Variants in HSD17B10 observed in about 807,000 individuals in gnomAD.
HSD17B10 encodes 3-hydroxyacyl-CoA dehydrogenase type-2.
For missense variants in HSD17B10, 87 were observed against 219.4 expected (o/e 0.40, Z 3.81); for synonymous variants, 90 against 85.9 (o/e 1.05, Z -0.26).
intron 1 of HSD17B10, chrX:53,434,114 T>G (rs1312315158): frequency 1.8e-6 from 1 of 560,118 alleles, no homozygotes; most frequent in African/African-American, 2.3e-5. Flanking sequence ...GATAGATGAT[T>G]GATAGATAGA....
At chrX:53,432,581 G>A in intron 2 of HSD17B10, 170 bp from the exon 3 acceptor site, 1 of 493,149 alleles carries the variant, frequency 2.0e-6, no homozygotes, top group South Asian at 2.7e-5. Context: ...TGGGTGCGGT[G>A]GCTCATGCCT....
At position 53,432,417 on chromosome X, in the gene HSD17B10, AAG is replaced by A. The variant is rs1556894680; in HGVS notation, c.193-8_193-7del. 1 of 1,200,705 alleles carries A rather than the reference AAG, an allele frequency of 8.3e-7. No homozygotes were observed. Among genetic ancestry groups the A allele is most frequent in the East Asian group, 3.0e-5 (1 of 33,815 alleles). Reference sequence around the variant, plus strand: ...ACATCCTTCTCAGAGGTCACCTTCAAAGAGAGAAGTGGAGAAGGTATTCATCT... The same window carrying A: ...ACATCCTTCTCAGAGGTCACCTTCAAAGAGAAGTGGAGAAGGTATTCATCT... On this transcript the variant is annotated splice_polypyrimidine_tract_variant and splice_region_variant and intron_variant, in intron 2 of 5. Transcript: ENST00000168216.
intron 2 of HSD17B10, 111 bp downstream of exon 2, chrX:53,433,611 G>C: frequency 1.4e-6 from 1 of 708,540 alleles, no homozygotes; most frequent in Non-Finnish European, 2.2e-6. Context: ...CAAGGAGATG[G>C]GTCTACCGCC....
At chrX:53,432,701 T>C in intron 2 of HSD17B10, 1 of 305,599 alleles carries the variant, frequency 3.3e-6, no homozygotes. Flanking sequence ...AATACAAAAT[T>C]AGCCGGCATA....
At chrX:53,433,028 C>T (rs1556894787) in intron 2 of HSD17B10, 2 of 128,067 alleles carry the variant, frequency 1.6e-5, no homozygotes, top group Non-Finnish European at 3.2e-5. Flanking sequence ...GTGGCTCACA[C>T]CTGTAATCCC....
At position 53,431,912 on chromosome X, in the gene HSD17B10, G is replaced by A. The variant is rs374264193; in HGVS notation, c.487-6C>T. The A allele has an allele frequency of 2.6e-5, 31 of 1,207,472 alleles. No homozygotes were observed. The highest frequency in any genetic ancestry group is 3.5e-5 in the Non-Finnish European group (31 of 893,191). On this transcript the variant is annotated splice_region_variant and splice_polypyrimidine_tract_variant and intron_variant, in intron 4 of 5. Transcript: ENST00000168216. ...GAGTATGCAGCTTGTCCAACCTGGA[G>A]AAAGAGTAGAAGTCATAGGTGGGAG...
chrX:53,434,123 G>A (rs1475313751), intron 1 of HSD17B10, 196 bp downstream of exon 1: 7 of 566,269 alleles, frequency 1.2e-5, no homozygotes, highest in Non-Finnish European at 2.1e-5. Context: ...TTGATAGATA[G>A]ATAGATAGAC....
intron 2 of HSD17B10, among the ~76,000 whole-genome samples, chrX:53,433,277 A>G (rs782332614): frequency 2.7e-5 from 3 of 112,487 alleles, no homozygotes; most frequent in South Asian, 7.3e-4. Context: ...CCTGGGCAAC[A>G]GAGCGAGACT....
chrX:53,431,817 C>T lies in HSD17B10; in HGVS notation c.576G>A (p.Arg192=). The T allele has an allele frequency of 8.3e-7, 1 of 1,208,904 alleles. No individual in the cohort carries two copies. The highest frequency in any genetic ancestry group is 1.8e-5 in the South Asian group (1 of 56,833). ...GTCTACCTGGGGCAATGGTCATCACCCGGATACCTATGGGAGCCAGATCCC... is the reference window on the plus strand; with the variant it reads ...GTCTACCTGGGGCAATGGTCATCACTCGGATACCTATGGGAGCCAGATCCC... The part of the protein sequence containing the change: ...IARDLAPIGI[R]VMTIAPGLFG... The change falls in exon 5 of 6, where the codon CGG becomes CGA. Residue 192 remains arginine (R), a synonymous_variant. Transcript: ENST00000168216.
chrX:53,433,283 A>G (rs1339958590), intron 2 of HSD17B10, among the ~76,000 whole-genome samples: 7 of 112,359 alleles, frequency 6.2e-5, no homozygotes, highest in Non-Finnish European at 1.3e-4. Flanking sequence ...CAACAGAGCG[A>G]GACTCCATCT....
intron 2 of HSD17B10, chrX:53,432,942 A>C: frequency 6.2e-6 from 1 of 160,484 alleles, no homozygotes. Context: ...CTTCTTGATA[A>C]ATTCACATGC....
At chrX:53,434,277 C>T (rs782077284) in intron 1 of HSD17B10, 42 bp downstream of exon 1, 33 of 1,155,829 alleles carry the variant, frequency 2.9e-5, no homozygotes, top group Middle Eastern at 2.3e-4. Flanking sequence ...GCTGTCCCGG[C>T]CCGTAAAGGA....
intron 3 of HSD17B10, 36 bp from the exon 4 acceptor site, chrX:53,432,152 G>A: frequency 1.7e-6 from 2 of 1,210,824 alleles, no homozygotes; most frequent in South Asian, 3.5e-5. Flanking sequence ...TAGGACCTGA[G>A]GCAGAAGAAG....
chrX:53,432,619 G>A, intron 2 of HSD17B10: 1 of 445,276 alleles, frequency 2.2e-6, no homozygotes, highest in Non-Finnish European at 4.0e-6. Flanking sequence ...GGAGGCCGAG[G>A]CTGGTGGATC....
chrX:53,433,212 T>A (rs1374192292), intron 2 of HSD17B10, among the ~76,000 whole-genome samples: 1 of 111,320 alleles, frequency 9.0e-6, no homozygotes, highest in African/African-American at 3.3e-5. Flanking sequence ...GGAAAATCGC[T>A]TGAACCCAGA....
rs185577457 is a variant in HSD17B10 at position 53,433,396 on chromosome X, A to G, written c.192+326T>C. Among the ~76,000 whole-genome samples the G allele has an allele frequency of 8.8e-5, 10 of 113,135 alleles. No individual in the cohort carries two copies. The East Asian group carries it at 2.5e-3, about 28-fold the overall frequency. On this transcript the variant is annotated intron_variant, in intron 2 of 5. Transcript: ENST00000168216. ...TGCTAAGATGATTTCATCAAGTTTC[A>G]CTTTCTGTAGTTTGTTTCATGAAAA...
At chrX:53,432,168 G>T (rs1556894619) in intron 3 of HSD17B10, 52 bp from the exon 4 acceptor site, 2 of 1,210,212 alleles carry the variant, frequency 1.7e-6, no homozygotes, top group African/African-American at 3.5e-5. Flanking sequence ...AGAAGCCTTT[G>T]TCCCCTAAAA....
chrX:53,433,620 C>T, intron 2 of HSD17B10, 102 bp downstream of exon 2: 8 of 777,195 alleles, frequency 1.0e-5, no homozygotes, highest in Non-Finnish European at 1.5e-5. Context: ...GGGTCTACCG[C>T]CCCCATAGAG....
rs1556895067 is a variant in HSD17B10 at position 53,434,341 on chromosome X, G to T, written c.5C>A (p.Ala2Glu). The stretch of plus-strand genomic sequence containing the variant: ...TACCTTCACGCTCCGACACGCTGCT[G>T]CCATCTTGTCGCCGGCCACTCCACG... The part of the protein sequence containing the change: M[A>E]AACRSVKGLV... The change falls in exon 1 of 6, where the codon GCA becomes GAA. Residue 2 changes from alanine (A) to glutamate (E), a missense_variant. Transcript: ENST00000168216. 8.6e-7 allele frequency: 1 copy of T among 1,168,590 alleles called. No individual in the cohort carries two copies. Among genetic ancestry groups the T allele is most frequent in the Admixed American group, 2.6e-5 (1 of 38,921 alleles).
Sources: gnomAD v4.1 joint callset for allele counts (sites outside exome capture counted in the v4.1 genomes callset) on GRCh38, gnomAD v4.1.1 for gene constraint, MANE v1.5 for transcripts, NCBI Gene and HGNC (gene_info 2026-07-23, HGNC 2026-07-21) for gene names.